USP34: variants seen among roughly 807,000 people sequenced by gnomAD.
USP34 encodes ubiquitin specific peptidase 34, also known as ubiquitin carboxyl-terminal hydrolase 34.
USP34 carries 70 observed loss-of-function variants against 460.3 expected under a neutral mutation model. The ratio of observed to expected loss-of-function variants is 0.15; its 90% CI spans 0.13 to 0.19. The LOEUF (loss-of-function observed/expected upper bound fraction) is 0.19. Among genes scored for constraint, USP34 ranks in the 10% least tolerant of loss-of-function variants. The pLI, the probability that USP34 is intolerant of heterozygous loss-of-function variation, is 1.00. For missense variants in USP34, 3,985 were observed against 4,236.2 expected (o/e 0.94, Z 1.65); for synonymous variants, 1,647 against 1,405.3 (o/e 1.17, Z -3.85).
At chr2:61,448,208 C>T (rs1695173027) in intron 1 of USP34, among the ~76,000 whole-genome samples, 1 of 152,162 alleles carries the variant, frequency 6.6e-6, no homozygotes. Flanking sequence ...GCATGAATGC[C>T]CATGTCTATA....
chr2:61,223,233 T>A lies in USP34; in HGVS notation c.7644+15A>T, dbSNP rs1380970538. The A allele has an allele frequency of 1.2e-6, 2 of 1,613,828 alleles. No individual in the cohort carries two copies. Among genetic ancestry groups the A allele is most frequent in the East Asian group, 4.5e-5 (2 of 44,862 alleles). On this transcript the variant is annotated intron_variant, in intron 63 of 79. Transcript: ENST00000398571. ...TTGTGATGATCAAATTGTCTAATAT[T>A]AGAGAATGTACTACCTTTCCTCCTG... is the stretch of plus-strand genomic sequence containing the variant.
Position 61,232,519 on chromosome 2 carries a change from C to T in USP34, c.7046G>A (p.Arg2349His), listed in dbSNP as rs748022216. The change falls in exon 58 of 80, where the codon CGT (arginine) becomes CAT (histidine). Residue 2349 changes from arginine to histidine, a missense_variant. By Grantham distance (29) the Arg-to-His change is conservative (BLOSUM62 0). Coordinates refer to ENST00000398571, the MANE Select transcript of USP34 (RefSeq NM_014709.4). ...TGGCCACCAGTCGTCATCAGCCATA[C>T]GATCTAAAAACCACTGTTAAAAAAA... ...SQAACEWFLDRMADDDWWPMQ... is the reference protein window; with the variant it reads ...SQAACEWFLDHMADDDWWPMQ... 94 of 1,606,890 alleles carry T rather than the reference C, an allele frequency of 5.8e-5. No homozygotes were observed. Among genetic ancestry groups the T allele is most frequent in the Non-Finnish European group, 7.3e-5 (86 of 1,178,250 alleles).
intron 1 of USP34, among the ~76,000 whole-genome samples, chr2:61,451,613 C>T (rs912826969): frequency 9.3e-5 from 14 of 151,090 alleles, no homozygotes; most frequent in South Asian, 8.3e-4. Context: ...ACCTGGGAGA[C>T]GGAGGTTGTG....
chr2:61,192,958 A>G lies in USP34; in HGVS notation c.9531T>C (p.Gly3177=), dbSNP rs762405901. 1 of 1,613,910 alleles carries G rather than the reference A, an allele frequency of 6.2e-7. No individual in the cohort carries two copies. The highest frequency in any genetic ancestry group is 1.1e-5 in the South Asian group (1 of 91,048). Residue 3177 remains glycine, a synonymous_variant, in exon 76 of 80, where the codon GGT becomes GGC. Coordinates refer to ENST00000398571, the MANE Select transcript of USP34 (RefSeq NM_014709.4). The part of the protein sequence containing the change: ...VKLSVLVAYE[G]LPLHLALFPK... ...GGAACAGTGCAAGATGAAGTGGCAA[A>G]CCTTCATAGGCAACTAGGACACCTA...
rs1241386977 is a variant in USP34, at chr2:61,364,455, G to T, written c.1251+5866C>A. Among the ~76,000 whole-genome samples the T allele has an allele frequency of 5.5e-4, 83 of 152,148 alleles. 1 individual carries two copies. The highest frequency in any genetic ancestry group is 1.3e-4 in the Non-Finnish European group (9 of 68,030). On this transcript the variant is annotated intron_variant, in intron 10 of 79. Coordinates refer to ENST00000398571, the MANE Select transcript of USP34 (RefSeq NM_014709.4). Reference sequence around the variant, plus strand: ...TTTTATAGGTACAAAGTTGTTACTGGTAATGATGAAAATGTTTTGCATACA... The same window carrying T: ...TTTTATAGGTACAAAGTTGTTACTGTTAATGATGAAAATGTTTTGCATACA...
intron 1 of USP34, among the ~76,000 whole-genome samples, chr2:61,426,235 T>G (rs939593701): frequency 6.6e-6 from 1 of 152,072 alleles, no homozygotes; most frequent in Non-Finnish European, 1.5e-5. Context: ...AAAGAGAACT[T>G]TGTCTTACAG....
intron 65 of USP34, chr2:61,221,851 A>C (rs1361759040): frequency 2.9e-6 from 1 of 340,356 alleles, no homozygotes; most frequent in African/African-American, 2.1e-5. Flanking sequence ...GGAAAAGATA[A>C]TTATAAAAAT....
intron 5 of USP34, among the ~76,000 whole-genome samples, chr2:61,384,487 T>G (rs1693077437): frequency 6.6e-6 from 1 of 151,888 alleles, no homozygotes; most frequent in African/African-American, 2.4e-5. Context: ...CTGGGCAACA[T>G]GGCTGAAACC....
At chr2:61,285,075 C>A in intron 34 of USP34, 118 bp from the exon 35 acceptor site, 1 of 677,554 alleles carries the variant, frequency 1.5e-6, no homozygotes, top group South Asian at 2.5e-5. Flanking sequence ...CCCAAAATTC[C>A]AAATTATTTT....
At chr2:61,205,703 C>T (rs1490950475) in intron 72 of USP34, among the ~76,000 whole-genome samples, 1 of 152,174 alleles carries the variant, frequency 6.6e-6, no homozygotes, top group Non-Finnish European at 1.5e-5. Context: ...AATGTCAGTT[C>T]TACCTTGTAA....
At chr2:61,323,834 T>G (rs1275148618) in intron 21 of USP34, among the ~76,000 whole-genome samples, 1 of 152,230 alleles carries the variant, frequency 6.6e-6, no homozygotes, top group East Asian at 1.9e-4. Flanking sequence ...TCTTGAATGT[T>G]ATCAGTCATA....
chr2:61,347,890 G>A lies in USP34; in HGVS notation c.2265C>T (p.His755=), dbSNP rs1691820785. The change falls in exon 15 of 80, where the codon CAC becomes CAT. Residue 755 remains histidine (H), a synonymous_variant. Coordinates refer to ENST00000398571, the MANE Select transcript of USP34 (RefSeq NM_014709.4). The part of the protein sequence containing the change: ...IGPQHHHHHH[H]HHHHHDGHMV... ...CTTACCCATCGTGGTGGTGGTGATG[G>A]TGGTGGTGGTGGTGGTGATGCTGTG... The A allele has an allele frequency of 1.2e-6, 2 of 1,600,494 alleles. No homozygotes were observed. The highest frequency in any genetic ancestry group is 3.4e-5 in the Admixed American group (2 of 59,314).
At chr2:61,419,187 A>C (rs1237368519) in intron 2 of USP34, among the ~76,000 whole-genome samples, 3 of 151,420 alleles carry the variant, frequency 2.0e-5, no homozygotes, top group Admixed American at 2.0e-4. Flanking sequence ...ATCCAAGGCC[A>C]CTTTTTTTTT....
intron 34 of USP34, among the ~76,000 whole-genome samples, chr2:61,287,264 T>C (rs1689718374): frequency 6.6e-6 from 1 of 152,234 alleles, no homozygotes; most frequent in African/African-American, 2.4e-5. Context: ...ATTACTTTGA[T>C]GTTTCTTGGG....
intron 2 of USP34, among the ~76,000 whole-genome samples, chr2:61,414,148 G>A (rs903852817): frequency 8.0e-5 from 12 of 150,812 alleles, no homozygotes; most frequent in African/African-American, 2.4e-4. Flanking sequence ...CCAGCTACTC[G>A]GGAGGCTGAG....
chr2:61,367,224 T>C (rs1326879383), intron 10 of USP34, among the ~76,000 whole-genome samples: 3 of 152,206 alleles, frequency 2.0e-5, no homozygotes, highest in South Asian at 2.1e-4. Flanking sequence ...GTAACTCAAG[T>C]ACAGTTATGA....
intron 71 of USP34, 56 bp from the exon 72 acceptor site, chr2:61,206,180 A>G: frequency 1.4e-6 from 2 of 1,431,732 alleles, no homozygotes; most frequent in Non-Finnish European, 2.0e-6. Context: ...TTCCTCACAA[A>G]TGTTTTCTAC....
intron 41 of USP34, among the ~76,000 whole-genome samples, chr2:61,270,505 G>A (rs1381741592): frequency 1.3e-5 from 2 of 152,218 alleles, no homozygotes; most frequent in Non-Finnish European, 2.9e-5. Context: ...GCACGATCTC[G>A]GCTCACTGCA....
At chr2:61,279,733 G>T (rs1213762141) in intron 39 of USP34, among the ~76,000 whole-genome samples, 7 of 152,092 alleles carry the variant, frequency 4.6e-5, no homozygotes, top group Admixed American at 4.6e-4. Context: ...CAAAGTGCTG[G>T]GATTACAGGC....
Sources: allele counts gnomAD v4.1 joint callset (sites outside exome capture counted in the v4.1 genomes callset), GRCh38; gene constraint gnomAD v4.1.1; transcripts MANE v1.5; gene names NCBI Gene and HGNC (gene_info 2026-07-23, HGNC 2026-07-21).